Variants in COMMD10 observed in about 807,000 individuals in gnomAD.
COMMD10 encodes the protein COMM domain-containing protein 10.
Under a neutral mutation model 28.9 loss-of-function variants are expected in COMMD10, and 33 were observed. The observed-to-expected ratio is 1.14, with a 90% CI of 0.87 to 1.53. The LOEUF (loss-of-function observed/expected upper bound fraction) is 1.53, where lower values mean the gene tolerates loss of function less well. Ranked by LOEUF, COMMD10 falls within the 40% of genes most tolerant of loss-of-function variation. The pLI is 0.00. For synonymous variants in COMMD10, 110 were observed against 81.7 expected, an observed-to-expected ratio of 1.35 and a Z score of -1.87; for missense variants, 310 against 233.4, an observed-to-expected ratio of 1.33 and a Z score of -2.14.
At chr5:116,269,648 T>C (rs1750701936) in intron 5 of COMMD10, among the ~76,000 whole-genome samples, 1 of 151,898 alleles carries the variant, frequency 6.6e-6, no homozygotes, top group Non-Finnish European at 1.5e-5. Context: ...CCATACTGAT[T>C]CATCTCAAAT....
Position 116,115,908 on chromosome 5 carries a change from A to T in COMMD10, c.400-18160A>T, listed in dbSNP as rs527626667. ...ATCTTGCTCTTTAAAGCATGCATTT[A>T]TTGACTCCTTAAAATGCACTTATGG... On this transcript the variant is annotated intron_variant, in intron 4 of 6. Transcript: ENST00000274458. Among the ~76,000 whole-genome samples the T allele has an allele frequency of 1.7e-3, 264 of 152,250 alleles. 1 individual carries two copies. The highest frequency in any genetic ancestry group is 6.0e-3 in the African/African-American group (249 of 41,556).
chr5:116,212,531 G>A (rs1335489293), intron 5 of COMMD10, among the ~76,000 whole-genome samples: 3 of 5,176 alleles, frequency 5.8e-4, no homozygotes, highest in Non-Finnish European at 3.4e-3. Context: ...TGTAGAATGT[G>A]AGGGGGGTTG....
intron 5 of COMMD10, among the ~76,000 whole-genome samples, chr5:116,223,994 C>T (rs1293023037): frequency 6.6e-6 from 1 of 152,096 alleles, no homozygotes; most frequent in Non-Finnish European, 1.5e-5. Context: ...CATTATAAGA[C>T]CATGGAAATG....
chr5:116,218,659 G>A (rs931036169), intron 5 of COMMD10, among the ~76,000 whole-genome samples: 18 of 152,228 alleles, frequency 1.2e-4, no homozygotes, highest in African/African-American at 4.1e-4. Flanking sequence ...TTTCTTGGAA[G>A]CAAGGAAAGT....
intron 5 of COMMD10, among the ~76,000 whole-genome samples, chr5:116,216,691 G>T (rs1015265830): frequency 6.6e-6 from 1 of 151,888 alleles, no homozygotes; most frequent in Admixed American, 6.6e-5. Context: ...GCGCCACCAC[G>T]CCCAGCTTAT....
In COMMD10 at chr5:116,290,181, C is replaced by T. The variant is rs1362235432; in HGVS notation, c.511-1336C>T. 1.3e-5 allele frequency among the ~76,000 whole-genome samples: 2 copies of T among 151,690 alleles called. 1 individual carries two copies. Among genetic ancestry groups the T allele is most frequent in the African/African-American group, 4.9e-5 (2 of 41,064 alleles). On this transcript the variant is annotated intron_variant, in intron 5 of 6. Transcript: ENST00000274458. ...CTCAGAACTTTAGGGTAAACCTAGG[C>T]TTATCATCCTTCCTTAACTGCTAGG... is the stretch of plus-strand genomic sequence containing the variant.
At chr5:116,175,629 AT>A (rs57620849) in intron 5 of COMMD10, among the ~76,000 whole-genome samples, 152,256 of 152,256 alleles carry the variant, frequency 1, 76,128 homozygotes, top group Non-Finnish European at 1. Flanking sequence ...CCAAGTATTT[AT>A]TTGGCAGATG....
intron 5 of COMMD10, among the ~76,000 whole-genome samples, chr5:116,262,665 G>T (rs889029888): frequency 2.0e-5 from 3 of 151,800 alleles, no homozygotes; most frequent in African/African-American, 7.3e-5. Flanking sequence ...AAGATTTTCA[G>T]TCTGAAGTGA....
chr5:116,281,517 G>C lies in COMMD10; in HGVS notation c.511-10000G>C, dbSNP rs886211456. Among the ~76,000 whole-genome samples the C allele has an allele frequency of 2.4e-4, 36 of 151,674 alleles. 1 individual carries two copies. The highest frequency in any genetic ancestry group is 8.5e-4 in the African/African-American group (35 of 41,090). Reference sequence around the variant, plus strand: ...ATTGTTTTTAGATTAGGTGCAGAAAGTCCAAGTTTGGTACTAATGCATGAG... The same window carrying C: ...ATTGTTTTTAGATTAGGTGCAGAAACTCCAAGTTTGGTACTAATGCATGAG... On this transcript the variant is annotated intron_variant, in intron 5 of 6. Transcript: ENST00000274458.
At chr5:116,227,708 T>C (rs1580564743) in intron 5 of COMMD10, among the ~76,000 whole-genome samples, 1 of 152,084 alleles carries the variant, frequency 6.6e-6, no homozygotes, top group African/African-American at 2.4e-5. Context: ...TCTGACTTGA[T>C]TGGTGATGCC....
chr5:116,277,771 T>TA (rs1469348372), intron 5 of COMMD10, among the ~76,000 whole-genome samples: 3 of 151,920 alleles, frequency 2.0e-5, no homozygotes, highest in African/African-American at 7.3e-5. Context: ...CTTGAAGACT[T>TA]ACGTGACAGC....
At chr5:116,139,129 T>C (rs1363853599) in intron 5 of COMMD10, among the ~76,000 whole-genome samples, 3 of 151,736 alleles carry the variant, frequency 2.0e-5, no homozygotes, top group African/African-American at 7.2e-5. Flanking sequence ...TTGTAATATG[T>C]GTATATGTTT....
At chr5:116,205,880 G>C (rs1434958650) in intron 5 of COMMD10, among the ~76,000 whole-genome samples, 1 of 151,888 alleles carries the variant, frequency 6.6e-6, no homozygotes, top group East Asian at 1.9e-4. Context: ...ATATATATTT[G>C]CTTTACATTA....
At chr5:116,140,887 G>A (rs184846122) in intron 5 of COMMD10, among the ~76,000 whole-genome samples, 2 of 151,770 alleles carry the variant, frequency 1.3e-5, no homozygotes, top group Admixed American at 6.6e-5. Context: ...TGTAGGCTGT[G>A]TTTTTTGTTG....
chr5:116,099,299 G>T (rs901182797), intron 4 of COMMD10, among the ~76,000 whole-genome samples: 4 of 152,096 alleles, frequency 2.6e-5, no homozygotes, highest in Non-Finnish European at 5.9e-5. Flanking sequence ...AAATGGCAGT[G>T]TTTTCTTTTT....
At chr5:116,215,736 A>G (rs1749082674) in intron 5 of COMMD10, among the ~76,000 whole-genome samples, 1 of 144,722 alleles carries the variant, frequency 6.9e-6, no homozygotes, top group African/African-American at 2.5e-5. Flanking sequence ...ATATATGTAT[A>G]TATAATTCAT....
At chr5:116,189,723 A>G (rs970970169) in intron 5 of COMMD10, among the ~76,000 whole-genome samples, 1 of 130,182 alleles carries the variant, frequency 7.7e-6, no homozygotes, top group Admixed American at 7.2e-5. Context: ...AATTTAAGAA[A>G]GAGGAAATAA....
chr5:116,225,171 A>T (rs78127663), intron 5 of COMMD10, among the ~76,000 whole-genome samples: 2,284 of 151,788 alleles, frequency 0.015, 58 homozygotes, highest in African/African-American at 0.048. Context: ...TTCTCTTGAG[A>T]TTTATTCTGT....
At chr5:116,092,944 G>T (rs1750348826) in intron 4 of COMMD10, among the ~76,000 whole-genome samples, 1 of 152,144 alleles carries the variant, frequency 6.6e-6, no homozygotes, top group South Asian at 2.1e-4. Context: ...TCACATGGCT[G>T]ACTGGAAACT....
Sources: gnomAD v4.1 joint callset for allele counts (sites outside exome capture counted in the v4.1 genomes callset) on GRCh38, gnomAD v4.1.1 for gene constraint, MANE v1.5 for transcripts, NCBI Gene and HGNC (gene_info 2026-07-23, HGNC 2026-07-21) for gene names.